The following CNTN4 variants were observed in gnomAD, a reference collection of about 807,000 sequenced individuals.
The protein encoded by CNTN4 is contactin-4.
A neutral mutation model predicts 122.5 loss-of-function variants in CNTN4; 77 were observed. The ratio of observed to expected loss-of-function variants is 0.63; its 90% CI spans 0.52 to 0.76. The LOEUF is 0.76. Ranked by LOEUF, CNTN4 falls within the 30% of genes least tolerant of loss-of-function variation. CNTN4 has a pLI of 0.00. For missense variants in CNTN4, 1,256 were observed against 1,259.1 expected, an observed-to-expected ratio of 1.00 and a Z score of 0.04; for synonymous variants, 512 against 447.0, an observed-to-expected ratio of 1.15 and a Z score of -1.83.
intron 13 of CNTN4, among the ~76,000 whole-genome samples, chr3:2,943,611 T>TA (rs1158784559): frequency 1.2e-4 from 12 of 102,344 alleles, no homozygotes; most frequent in African/African-American, 4.1e-4. Flanking sequence ...TATAAATATA[T>TA]TTATATATAT....
chr3:2,284,448 G>A (rs1256997079), intron 2 of CNTN4, among the ~76,000 whole-genome samples: 2 of 151,978 alleles, frequency 1.3e-5, no homozygotes, highest in African/African-American at 2.4e-5. Context: ...CTTTTAACTG[G>A]TCTGGAAGGC....
intron 3 of CNTN4, among the ~76,000 whole-genome samples, chr3:2,469,728 C>T (rs1273803035): frequency 2.6e-5 from 4 of 152,168 alleles, no homozygotes; most frequent in South Asian, 2.1e-4. Context: ...CTTCCATTCT[C>T]TTGATCCATT....
intron 2 of CNTN4, among the ~76,000 whole-genome samples, chr3:2,156,750 G>A (rs1336968949): frequency 6.6e-6 from 1 of 152,058 alleles, no homozygotes; most frequent in Non-Finnish European, 1.5e-5. Flanking sequence ...GAATCTTCTG[G>A]CCCCAGTTTT....
intron 4 of CNTN4, among the ~76,000 whole-genome samples, chr3:2,613,675 A>C (rs1313381849): frequency 6.6e-6 from 1 of 152,156 alleles, no homozygotes; most frequent in Non-Finnish European, 1.5e-5. Flanking sequence ...ATAATTCATG[A>C]AAAAGACAAG....
rs139363328 is a variant in CNTN4 at position 3,018,587 on chromosome 3, G to A, written c.1487-7515G>A. 7.8e-4 allele frequency among the ~76,000 whole-genome samples: 118 copies of A among 152,238 alleles called. 6 individuals are homozygous for A. The East Asian group carries it at 0.019, about 25-fold the overall frequency. ...GCAGAGGAGACAGCTGGCAATGTTG[G>A]CAGATTGGTTATACTGAACAAAATG... On this transcript the variant is annotated intron_variant, in intron 14 of 24. Transcript: ENST00000418658.
intron 8 of CNTN4, among the ~76,000 whole-genome samples, chr3:2,872,614 C>T (rs1236853031): frequency 6.6e-6 from 1 of 152,100 alleles, no homozygotes; most frequent in Non-Finnish European, 1.5e-5. Context: ...TGGAACTCCA[C>T]ATAGAAGAGA....
intron 2 of CNTN4, among the ~76,000 whole-genome samples, chr3:2,221,320 A>G (rs2039052710): frequency 6.6e-6 from 1 of 152,102 alleles, no homozygotes; most frequent in African/African-American, 2.4e-5. Context: ...TTTTTCATTC[A>G]CATTAACATT....
intron 6 of CNTN4, among the ~76,000 whole-genome samples, chr3:2,771,466 A>C (rs2091096961): frequency 6.6e-6 from 1 of 152,196 alleles, no homozygotes; most frequent in South Asian, 2.1e-4. Context: ...TCTCTCTCAC[A>C]CATATCACTC....
chr3:2,105,693 C>T (rs560104410), intron 2 of CNTN4, among the ~76,000 whole-genome samples: 54 of 152,246 alleles, frequency 3.5e-4, no homozygotes, highest in African/African-American at 1.1e-3. Context: ...ATGAGATTTG[C>T]GTGGAGACAC....
chr3:2,640,163 T>A (rs1396093762), intron 4 of CNTN4, among the ~76,000 whole-genome samples: 1 of 152,186 alleles, frequency 6.6e-6, no homozygotes, highest in Non-Finnish European at 1.5e-5. Flanking sequence ...CTTTGTAAGC[T>A]CTCAAATGGC....
chr3:2,550,878 C>T (rs969205902), intron 3 of CNTN4, among the ~76,000 whole-genome samples: 1 of 152,076 alleles, frequency 6.6e-6, no homozygotes, highest in African/African-American at 2.4e-5. Flanking sequence ...CATGTTATCT[C>T]TCATAAGTGG....
At chr3:2,370,690 T>G (rs1177979948) in intron 3 of CNTN4, among the ~76,000 whole-genome samples, 1 of 152,232 alleles carries the variant, frequency 6.6e-6, no homozygotes, top group Non-Finnish European at 1.5e-5. Flanking sequence ...TCTGATATTT[T>G]GTGTAAGTGA....
chr3:2,286,926 A>G (rs1337315335), intron 2 of CNTN4, among the ~76,000 whole-genome samples: 1 of 152,212 alleles, frequency 6.6e-6, no homozygotes, highest in Non-Finnish European at 1.5e-5. Flanking sequence ...TGCAGATTTC[A>G]GGTTTTGATT....
At chr3:2,686,173 A>G (rs1306969058) in intron 4 of CNTN4, among the ~76,000 whole-genome samples, 5 of 152,186 alleles carry the variant, frequency 3.3e-5, no homozygotes, top group Admixed American at 6.5e-5. Flanking sequence ...TACCTTTATT[A>G]AGAAAGCAGA....
chr3:2,275,523 T>A (rs2041471949), intron 2 of CNTN4, among the ~76,000 whole-genome samples: 2 of 152,196 alleles, frequency 1.3e-5, no homozygotes, highest in Non-Finnish European at 2.9e-5. Context: ...TTCACAATTA[T>A]ATATTATTAA....
chr3:2,492,745 G>C (rs1319325412), intron 3 of CNTN4, among the ~76,000 whole-genome samples: 1 of 152,132 alleles, frequency 6.6e-6, no homozygotes, highest in African/African-American at 2.4e-5. Flanking sequence ...ATAAATGAAG[G>C]AGAGGAATGA....
intron 2 of CNTN4, among the ~76,000 whole-genome samples, chr3:2,264,654 T>G (rs544650918): frequency 1.3e-5 from 2 of 152,212 alleles, no homozygotes; most frequent in East Asian, 3.9e-4. Context: ...ATTGTTATTT[T>G]TTTTGTTTTT....
At chr3:2,171,894 A>G (rs752882966) in intron 2 of CNTN4, among the ~76,000 whole-genome samples, 4 of 152,190 alleles carry the variant, frequency 2.6e-5, no homozygotes, top group Non-Finnish European at 5.9e-5. Flanking sequence ...TGTCATCTAT[A>G]CCATTGGTCC....
At chr3:2,613,984 GAGAT>G (rs571082860) in intron 4 of CNTN4, among the ~76,000 whole-genome samples, 1 of 152,072 alleles carries the variant, frequency 6.6e-6, no homozygotes, top group Non-Finnish European at 1.5e-5. Context: ...AGTAATGAAT[GAGAT>G]AGATAAAGTA....
Sources: allele counts gnomAD v4.1 joint callset (sites outside exome capture counted in the v4.1 genomes callset), GRCh38; gene constraint gnomAD v4.1.1; transcripts MANE v1.5; gene names NCBI Gene and HGNC (gene_info 2026-07-23, HGNC 2026-07-21).